The following ENPP1 variants were observed in gnomAD, a reference collection of about 807,000 sequenced individuals.
ENPP1 encodes the protein ectonucleotide pyrophosphatase/phosphodiesterase 1, also known as ectonucleotide pyrophosphatase/phosphodiesterase family member 1.
ENPP1 carries 73 observed loss-of-function variants against 122.8 expected under a neutral mutation model. That is an observed-to-expected ratio of 0.59 (90% CI 0.49 to 0.72). ENPP1 has a LOEUF of 0.72. Among genes scored for constraint, ENPP1 ranks in the 30% least tolerant of loss-of-function variants. ENPP1 has a pLI of 0.00. For missense variants in ENPP1, 978 were observed against 1,128.1 expected, an observed-to-expected ratio of 0.87 and a Z score of 1.91; for synonymous variants, 367 against 391.6, an observed-to-expected ratio of 0.94 and a Z score of 0.74.
At chr6:131,865,049 A>T in intron 11 of ENPP1, 111 bp downstream of exon 11, 1 of 764,194 alleles carries the variant, frequency 1.3e-6, no homozygotes, top group Non-Finnish European at 2.4e-6. Flanking sequence ...TTCTGGAAAA[A>T]GCAAGTATTA....
intron 1 of ENPP1, among the ~76,000 whole-genome samples, chr6:131,822,772 A>G (rs1173683005): frequency 6.6e-6 from 1 of 152,118 alleles, no homozygotes; most frequent in African/African-American, 2.4e-5. Flanking sequence ...TTCTATGCAT[A>G]CTTTAGACAT....
At chr6:131,847,983 C>A in intron 2 of ENPP1, 135 bp downstream of exon 2, 1 of 664,350 alleles carries the variant, frequency 1.5e-6, no homozygotes. Context: ...GTCAATTCAA[C>A]GCTGGCTTGA....
chr6:131,808,145 C>T lies in ENPP1; in HGVS notation c.110C>T (p.Ala37Val). 7.0e-7 allele frequency: 1 copy of T among 1,436,194 alleles called. No individual in the cohort carries two copies. Among genetic ancestry groups the T allele is most frequent in the East Asian group, 3.0e-5 (1 of 32,942 alleles). The allele number at this position is 1,436,194 out of a possible 1,614,324, so 89.0% of individuals were successfully genotyped here. ...CGCGATCGGGGCCGCAGCCACGCTG[C>T]CGAGGCGCCCGGGGACCCGCAGGCG... ...NGRDRGRSHA[A>V]EAPGDPQAAA... Residue 37 changes from alanine (A) to valine (V), a missense_variant, in exon 1 of 25, where the codon GCC becomes GTC. Physicochemically the swap from Ala to Val is moderately conservative, Grantham distance 64. Transcript: ENST00000647893.
rs1782243265 is a variant in ENPP1 at position 131,877,331 on chromosome 6, C to T, written c.1893+170C>T. ...GTAGATCTTTTGTGATATATCTTTT[C>T]TCTTTCTAGTTTTTGCATTTTCCAC... is the stretch of plus-strand genomic sequence containing the variant. On this transcript the variant is annotated intron_variant, in intron 18 of 24. Transcript: ENST00000647893. 3 of 702,180 alleles carry T rather than the reference C, an allele frequency of 4.3e-6. No individual in the cohort carries two copies. In the Admixed American group the frequency reaches 7.3e-5, roughly 17 times the overall value. The allele number at this position is 702,180 out of a possible 1,614,324, so 43.5% of individuals were successfully genotyped here.
At chr6:131,880,793 T>A (rs1048902045) in intron 20 of ENPP1, among the ~76,000 whole-genome samples, 11 of 152,072 alleles carry the variant, frequency 7.2e-5, no homozygotes, top group African/African-American at 1.2e-4. Context: ...AGTAACATCA[T>A]TGCACGTACC....
intron 18 of ENPP1, chr6:131,877,994 A>G (rs182806055): frequency 0.012 from 1,927 of 156,728 alleles, 18 homozygotes; most frequent in Non-Finnish European, 0.02. Context: ...GATGAGAATT[A>G]TAAAGCAGCA....
chr6:131,808,367 G>GGGCACCGGAGAGAGGCAT, intron 1 of ENPP1, 92 bp downstream of exon 1: 1 of 1,353,904 alleles, frequency 7.4e-7, no homozygotes, highest in Non-Finnish European at 9.6e-7. Flanking sequence ...AGTCAGCACC[G>GGGCACCGGAGAGAGGCAT]GGCACCGGAG....
At chr6:131,809,200 C>A (rs1013646187) in intron 1 of ENPP1, among the ~76,000 whole-genome samples, 2 of 152,274 alleles carry the variant, frequency 1.3e-5, no homozygotes, top group East Asian at 1.9e-4. Flanking sequence ...GAAATAGAAT[C>A]ATTTTTATTG....
chr6:131,822,591 A>G (rs1025516594), intron 1 of ENPP1, among the ~76,000 whole-genome samples: 2 of 151,994 alleles, frequency 1.3e-5, no homozygotes, highest in African/African-American at 4.8e-5. Context: ...TTAAAAAAAA[A>G]AAAACAAAGA....
intron 1 of ENPP1, chr6:131,827,498 G>T: frequency 1.6e-6 from 1 of 631,674 alleles, no homozygotes; most frequent in Non-Finnish European, 2.9e-6. Context: ...AGATTTCTGC[G>T]AAGGAATAGA....
chr6:131,825,106 A>G (rs1441729053), intron 1 of ENPP1, among the ~76,000 whole-genome samples: 2 of 151,942 alleles, frequency 1.3e-5, no homozygotes, highest in African/African-American at 2.4e-5. Flanking sequence ...ATTGGAAATC[A>G]CTGAAATATT....
chr6:131,873,171 C>T, intron 15 of ENPP1, 121 bp downstream of exon 15: 4 of 1,159,550 alleles, frequency 3.4e-6, no homozygotes, highest in Non-Finnish European at 5.2e-6. Context: ...TCTCTTCACT[C>T]TAACCCAGGA....
chr6:131,808,837 A>C (rs1781314698), intron 1 of ENPP1, among the ~76,000 whole-genome samples: 1 of 152,058 alleles, frequency 6.6e-6, no homozygotes, highest in Non-Finnish European at 1.5e-5. Context: ...GACTGAAGAA[A>C]CCTTTATGAT....
At chr6:131,886,774 G>A (rs1225499996) in intron 24 of ENPP1, 50 bp downstream of exon 24, 4 of 1,520,902 alleles carry the variant, frequency 2.6e-6, no homozygotes, top group Non-Finnish European at 3.6e-6. Context: ...CTAGACATAT[G>A]CATATTTGTT....
rs1344313428 is a variant in ENPP1 at position 131,830,877 on chromosome 6, G to A, written c.241-16899G>A. Reference sequence around the variant, plus strand: ...TGTAATCCCAGCATTCTGGAAGGCCGAGGTGGGTGGATTGCTTGAGCTCAG... The same window carrying A: ...TGTAATCCCAGCATTCTGGAAGGCCAAGGTGGGTGGATTGCTTGAGCTCAG... On this transcript the variant is annotated intron_variant, in intron 1 of 24. Transcript: ENST00000647893. Among the ~76,000 whole-genome samples, 7 of 152,046 alleles carry A rather than the reference G, an allele frequency of 4.6e-5. No homozygotes were observed. The South Asian group carries it at 8.3e-4, about 18-fold the overall frequency.
chr6:131,825,066 A>AC (rs989050627), intron 1 of ENPP1, among the ~76,000 whole-genome samples: 8 of 152,020 alleles, frequency 5.3e-5, no homozygotes, highest in South Asian at 2.1e-4. Context: ...TCTCAAAAAA[A>AC]AAACAAACAA....
intron 14 of ENPP1, 109 bp from the exon 15 acceptor site, chr6:131,872,814 T>C (rs1782179029): frequency 4.5e-6 from 5 of 1,109,880 alleles, no homozygotes; most frequent in Non-Finnish European, 6.5e-6. Context: ...ACACTTTTTA[T>C]AGATATTAGG....
chr6:131,863,871 G>T (rs1006824624), intron 9 of ENPP1, among the ~76,000 whole-genome samples: 11 of 151,960 alleles, frequency 7.2e-5, no homozygotes, highest in Non-Finnish European at 1.6e-4. Context: ...AACTGAGACC[G>T]CGCCACTGCA....
rs551461526 is a variant in ENPP1, at chr6:131,816,016, C to G, written c.240+7741C>G. On this transcript the variant is annotated intron_variant, in intron 1 of 24. Coordinates refer to ENST00000647893, the MANE Select transcript of ENPP1 (RefSeq NM_006208.3). ...GATTACAGGCGTGAGCCACCACGCC[C>G]GGCTGTATCAGCTTTTCATCTTCAT... 7.1e-3 allele frequency among the ~76,000 whole-genome samples: 1,058 copies of G among 149,100 alleles called. 15 individuals carry two copies. Among genetic ancestry groups the G allele is most frequent in the African/African-American group, 0.025 (994 of 39,444 alleles).
Sources: gnomAD v4.1 joint callset for allele counts (sites outside exome capture counted in the v4.1 genomes callset) on GRCh38, gnomAD v4.1.1 for gene constraint, MANE v1.5 for transcripts, NCBI Gene and HGNC (gene_info 2026-07-23, HGNC 2026-07-21) for gene names.